The following TSC1 variants were observed in gnomAD, a reference collection of about 807,000 sequenced individuals.
TSC1 encodes hamartin.
Under a neutral mutation model 124.3 loss-of-function variants are expected in TSC1, and 20 were observed. The observed-to-expected ratio is 0.16, with a 90% CI of 0.11 to 0.23. TSC1 has a LOEUF of 0.23. Among genes scored for constraint, TSC1 ranks in the 10% least tolerant of loss-of-function variants. The pLI is 1.00. For missense variants in TSC1, 1,124 were observed against 1,448.5 expected, an observed-to-expected ratio of 0.78 and a Z score of 3.64; for synonymous variants, 493 against 539.1, an observed-to-expected ratio of 0.91 and a Z score of 1.19.
rs141679497 is a variant in TSC1 at position 132,911,187 on chromosome 9, A to G, written c.1030-74T>C. On this transcript the variant is annotated intron_variant, in intron 10 of 22. Coordinates refer to ENST00000298552, the MANE Select transcript of TSC1 (RefSeq NM_000368.5). ...ATCCACGAGGTTTATATCCATGGCC[A>G]GTGTTCAGCTTAAATTTAGCTTTTT... is the stretch of plus-strand genomic sequence containing the variant. 6.4e-3 allele frequency: 7,854 copies of G among 1,228,860 alleles called. 38 individuals are homozygous for G. Among genetic ancestry groups the G allele is most frequent in the Middle Eastern group, 0.012 (65 of 5,354 alleles). The allele number at this position is 1,228,860 out of a possible 1,614,324, so 76.1% of individuals were successfully genotyped here.
In TSC1 at chr9:132,928,867, G is replaced by A; in HGVS notation, c.6C>T (p.Ala2=). M[A]QQANVGELLA... ...GAAGCTCCCCGACATTTGCTTGTTG[G>A]GCCATTCTCTCGCTCGAAGGCGCTG... The change falls in exon 3 of 23, where the codon GCC becomes GCT. Residue 2 remains alanine, a synonymous_variant. Transcript: ENST00000298552. The A allele has an allele frequency of 1.2e-6, 2 of 1,614,124 alleles. No homozygotes were observed. Among genetic ancestry groups the A allele is most frequent in the Non-Finnish European group, 8.5e-7 (1 of 1,180,024 alleles).
intron 2 of TSC1, among the ~76,000 whole-genome samples, chr9:132,929,552 C>T (rs1341940224): frequency 6.6e-6 from 1 of 152,156 alleles, no homozygotes; most frequent in Non-Finnish European, 1.5e-5. Flanking sequence ...CAGGGCAAAT[C>T]TTCAAAAACT....
chr9:132,930,855 A>G (rs1847163782), intron 2 of TSC1, among the ~76,000 whole-genome samples: 1 of 152,248 alleles, frequency 6.6e-6, no homozygotes, highest in South Asian at 2.1e-4. Flanking sequence ...TAAAAATCTT[A>G]CAAGTAAATC....
At chr9:132,928,687 G>GT in intron 3 of TSC1, 80 bp downstream of exon 3, 1 of 1,570,294 alleles carries the variant, frequency 6.4e-7, no homozygotes, top group African/African-American at 1.3e-5. Flanking sequence ...AAACTAAAAT[G>GT]TATCAGCAGG....
chr9:132,907,319 G>C lies in TSC1; in HGVS notation c.1315C>G (p.Leu439Val), dbSNP rs199800297. The change falls in exon 13 of 23, where the codon CTG (leucine) becomes GTG (valine). Residue 439 changes from leucine (L) to valine (V), a missense_variant. This residue lies in a region of TSC1 where 463 missense variants were observed against 606.8 expected (regional missense o/e 0.76). Transcript: ENST00000298552. ...ATTTTACCTGATCCTCTGTCATTCA[G>C]AAGATGGTGTTGTCTGTGTAGACAT... The part of the protein sequence containing the change: ...RPCLHRQHHL[L>V]NDRGSEEPPG... 1.7e-5 allele frequency: 28 copies of C among 1,614,140 alleles called. No individual in the cohort carries two copies. Among genetic ancestry groups the C allele is most frequent in the Non-Finnish European group, 2.1e-5 (25 of 1,179,986 alleles).
rs1290710973 is a variant in TSC1, at chr9:132,894,629, G to A, written c.*1606C>T. The A allele has an allele frequency of 1.4e-5, 3 of 221,330 alleles. No homozygotes were observed. The highest frequency in any genetic ancestry group is 6.8e-5 in the African/African-American group (3 of 43,890). The allele number at this position is 221,330 out of a possible 1,614,324, so 13.7% of individuals were successfully genotyped here. A position where few individuals can be genotyped will look rare whatever the true frequency, so the allele number is the denominator to read the frequency against. ...CAGGTTTTCTGCTGGTATAGCTAGG[G>A]TGACAGAGTCTCTAACTGTCTAGTC... is the stretch of plus-strand genomic sequence containing the variant. On this transcript the variant is annotated 3_prime_UTR_variant, in exon 23 of 23. Coordinates refer to ENST00000298552, the MANE Select transcript of TSC1 (RefSeq NM_000368.5).
intron 4 of TSC1, 176 bp from the exon 5 acceptor site, chr9:132,925,915 G>T: frequency 1.2e-6 from 1 of 811,204 alleles, no homozygotes; most frequent in Non-Finnish European, 1.9e-6. Context: ...ACAAAACACT[G>T]CTGCATTTGG....
rs1845926660 is a variant in TSC1, at chr9:132,911,014, A to C, written c.1129T>G (p.Phe377Val). 1 of 1,614,012 alleles carries C rather than the reference A, an allele frequency of 6.2e-7. No homozygotes were observed. Among genetic ancestry groups the C allele is most frequent in the South Asian group, 1.1e-5 (1 of 91,090 alleles). ...PDLSHPYSKV[F>V]GTTAGGKGTP... Reference sequence around the variant, plus strand: ...AAGACATACATACCAGTTGTACCAAAGACTTTACTGTAAGGGTGTGACAGA... The same window carrying C: ...AAGACATACATACCAGTTGTACCAACGACTTTACTGTAAGGGTGTGACAGA... The change falls in exon 11 of 23, where the codon TTT (phenylalanine) becomes GTT (valine). Residue 377 changes from phenylalanine to valine, a missense_variant. Coordinates refer to ENST00000298552, the MANE Select transcript of TSC1 (RefSeq NM_000368.5).
chr9:132,907,003 AATAAT>A (rs1286960406), intron 13 of TSC1, among the ~76,000 whole-genome samples, 168 bp from the exon 14 acceptor site: 1 of 152,224 alleles, frequency 6.6e-6, no homozygotes, highest in Non-Finnish European at 1.5e-5. Flanking sequence ...AAATATTAAA[AATAAT>A]ATAACTAAAA....
chr9:132,910,196 G>A (rs1845871354), intron 12 of TSC1: 5 of 444,742 alleles, frequency 1.1e-5, no homozygotes, highest in African/African-American at 4.0e-5. Context: ...AGCTACTAGC[G>A]AGGCTGATGC....
intron 8 of TSC1, among the ~76,000 whole-genome samples, chr9:132,919,070 G>C (rs550099229): frequency 6.6e-6 from 1 of 152,296 alleles, no homozygotes; most frequent in East Asian, 1.9e-4. Flanking sequence ...TACAAAACTA[G>C]ATGTTATAGG....
chr9:132,945,021 G>T (rs895433371), upstream of TSC1, among the ~76,000 whole-genome samples: 1 of 152,114 alleles, frequency 6.6e-6, no homozygotes, highest in Non-Finnish European at 1.5e-5. Flanking sequence ...TGTGGTTGGA[G>T]CGCCCTGCCC....
At position 132,940,028 on chromosome 9, in the gene TSC1, G is replaced by GA. The variant is rs1347377155; in HGVS notation, c.-144+4514dup. Among the ~76,000 whole-genome samples the GA allele has an allele frequency of 4.6e-5, 7 of 152,056 alleles. No individual in the cohort carries two copies. In the South Asian group the frequency reaches 6.2e-4, roughly 14 times the overall value. On this transcript the variant is annotated intron_variant, in intron 1 of 22. Transcript: ENST00000298552. Reference sequence around the variant, plus strand: ...ATATACCTCCTTTGAGGTTCAAAAGGAAAAAAATATATAGAGTGCATAAAC... The same window carrying GA: ...ATATACCTCCTTTGAGGTTCAAAAGGAAAAAAAATATATAGAGTGCATAAAC...
Position 132,935,042 on chromosome 9 carries a change from C to T in TSC1, c.-90G>A, listed in dbSNP as rs905070264. ...CCTGGTTATAGCTTACCTGTTCTAG[C>T]GACAACTGGTACTTCAGTTTCCAGT... On this transcript the variant is annotated 5_prime_UTR_variant, in exon 2 of 23. Coordinates refer to ENST00000298552, the MANE Select transcript of TSC1 (RefSeq NM_000368.5). 9 of 398,980 alleles carry T rather than the reference C, an allele frequency of 2.3e-5. No homozygotes were observed. The highest frequency in any genetic ancestry group is 8.2e-5 in the African/African-American group (4 of 48,648). 24.7% of individuals were successfully genotyped at this position (398,980 alleles called of 1,614,324 possible). A position where few individuals can be genotyped will look rare whatever the true frequency, so the allele number is the denominator to read the frequency against.
chr9:132,897,356 C>T lies in TSC1; in HGVS notation c.2814-11G>A, dbSNP rs1287695326. The stretch of plus-strand genomic sequence containing the variant: ...GCCTGCAGCTGTCCTCTGAAAGATA[C>T]AGACCAGCCAGAATATAGGAAGTTC... On this transcript the variant is annotated splice_polypyrimidine_tract_variant and intron_variant, in intron 21 of 22. Coordinates refer to ENST00000298552, the MANE Select transcript of TSC1 (RefSeq NM_000368.5). 6.2e-7 allele frequency: 1 copy of T among 1,614,190 alleles called. No homozygotes were observed. Among genetic ancestry groups the T allele is most frequent in the Non-Finnish European group, 8.5e-7 (1 of 1,180,048 alleles).
chr9:132,896,756 T>C lies in TSC1; in HGVS notation c.2976-2A>G, dbSNP rs1588288463. 2 of 1,613,580 alleles carry C rather than the reference T, an allele frequency of 1.2e-6. No individual in the cohort carries two copies. Among genetic ancestry groups the C allele is most frequent in the Non-Finnish European group, 1.7e-6 (2 of 1,180,036 alleles). ...CACCCGTCATTACAACAGTCAAGCCTGTAAGAAAGCCGGGGAGGAAAAAAG... is the reference window on the plus strand; with the variant it reads ...CACCCGTCATTACAACAGTCAAGCCCGTAAGAAAGCCGGGGAGGAAAAAAG... On this transcript the variant is annotated splice_acceptor_variant, in intron 22 of 22. Transcript: ENST00000298552. LOFTEE classifies it high-confidence loss of function. This position sits in a 1 kb window ranked among gnomAD's most constrained non-coding sequence, Gnocchi z 4.5.
chr9:132,900,654 C>A (rs1259511135), intron 20 of TSC1, 61 bp downstream of exon 20: 1 of 1,610,504 alleles, frequency 6.2e-7, no homozygotes, highest in Admixed American at 1.7e-5. Flanking sequence ...ATGCGGGAGA[C>A]ATACTGTCTG....
rs773541137 is a variant in TSC1 at position 132,896,297 on chromosome 9, G to C, written c.3433C>G (p.Pro1145Ala). 5.0e-6 allele frequency: 8 copies of C among 1,614,060 alleles called. No homozygotes were observed. In the African/African-American group the frequency reaches 9.3e-5, roughly 19 times the overall value. The change falls in exon 23 of 23, where the codon CCG becomes GCG. Residue 1145 changes from proline to alanine, a missense_variant. Coordinates refer to ENST00000298552, the MANE Select transcript of TSC1 (RefSeq NM_000368.5). The surrounding 1 kb of genome is among the most constrained non-coding windows in gnomAD (Gnocchi z 4.5). ...ATATGTAGCTGTCCAACACTGTCCG[G>C]GGTCGGGGGAGACGGGTGAGGGCCA... The part of the protein sequence containing the change: ...LDGPHPSPPT[P>A]DSVGQLHIMD...
rs562423379 is a variant in TSC1 at position 132,920,409 on chromosome 9, G to A, written c.737+954C>T. On this transcript the variant is annotated intron_variant, in intron 8 of 22. Coordinates refer to ENST00000298552, the MANE Select transcript of TSC1 (RefSeq NM_000368.5). The stretch of plus-strand genomic sequence containing the variant: ...TAGGGAGAAAAGAGGGGTTCTCCAC[G>A]GGGAGCCTCTAAGGTACCAGTAATG... Among the ~76,000 whole-genome samples the A allele has an allele frequency of 1.4e-3, 217 of 152,284 alleles. 1 individual carries two copies. The highest frequency in any genetic ancestry group is 2.2e-3 in the Admixed American group (33 of 15,302).
Sources: allele counts gnomAD v4.1 joint callset (sites outside exome capture counted in the v4.1 genomes callset), GRCh38; gene constraint gnomAD v4.1.1; regional missense constraint gnomAD v4.1.1; non-coding constraint Gnocchi (gnomAD v3.1); transcripts MANE v1.5; gene names NCBI Gene and HGNC (gene_info 2026-07-23, HGNC 2026-07-21).